WIPF3: variants seen among roughly 807,000 people sequenced by gnomAD.
The protein encoded by WIPF3 is WAS/WASL-interacting protein family member 3.
WIPF3 carries 33 observed loss-of-function variants against 38.9 expected under a neutral mutation model. That is an observed-to-expected ratio of 0.85 (90% CI 0.64 to 1.14). WIPF3 has a LOEUF of 1.14. WIPF3 is among the 50% of genes most tolerant of loss of function. WIPF3 has a pLI of 0.00. For missense variants in WIPF3, 711 were observed against 652.5 expected (o/e 1.09, Z -0.98); for synonymous variants, 324 against 269.3 (o/e 1.20, Z -1.99).
chr7:29,824,673 C>T (rs999307902), intron 1 of WIPF3, among the ~76,000 whole-genome samples: 2 of 151,944 alleles, frequency 1.3e-5, no homozygotes, highest in African/African-American at 2.4e-5. Context: ...AGTAAGTAGC[C>T]CAGAGAGGAG....
intron 1 of WIPF3, among the ~76,000 whole-genome samples, chr7:29,826,467 A>T (rs1784617591): frequency 6.6e-6 from 1 of 152,154 alleles, no homozygotes; most frequent in Non-Finnish European, 1.5e-5. Context: ...CTGTTCCCCA[A>T]AGCCTGGTTT....
chr7:29,913,345 C>CAAA lies in WIPF3; in HGVS notation c.1429-1132_1429-1130dup, dbSNP rs1161222562. Among the ~76,000 whole-genome samples the CAAA allele has an allele frequency of 1.1e-3, 83 of 74,576 alleles. 1 individual carries two copies. The highest frequency in any genetic ancestry group is 2.4e-3 in the African/African-American group (53 of 21,664). 48.9% of individuals were successfully genotyped at this position (74,576 alleles called of 152,430 possible). A position where few individuals can be genotyped will look rare whatever the true frequency, so the allele number is the denominator to read the frequency against. On this transcript the variant is annotated intron_variant, in intron 8 of 8. Transcript: ENST00000242140. ...GGGCAACAAGAGTGAAACTCCGTCT[C>CAAA]AAAAAAAAAAAAAAAAAAGGTTACT...
At chr7:29,837,721 C>T (rs986249674) in intron 2 of WIPF3, among the ~76,000 whole-genome samples, 12 of 152,016 alleles carry the variant, frequency 7.9e-5, no homozygotes, top group African/African-American at 1.9e-4. Flanking sequence ...AAATAATTAA[C>T]GTCTTTAGCA....
intron 2 of WIPF3, among the ~76,000 whole-genome samples, chr7:29,874,204 C>T (rs1482699977): frequency 6.6e-6 from 1 of 151,978 alleles, no homozygotes. Flanking sequence ...CTCTGATACC[C>T]TGGGTCTAGT....
In WIPF3 at chr7:29,884,283, G is replaced by A; in HGVS notation, c.789G>A (p.Pro263=). 2.9e-5 allele frequency: 8 copies of A among 280,166 alleles called. No homozygotes were observed. Among genetic ancestry groups the A allele is most frequent in the South Asian group, 7.4e-5 (2 of 26,914 alleles). 17.4% of individuals were successfully genotyped at this position (280,166 alleles called of 1,614,324 possible). ...APLHLPPIPP[P]LPLLPPCGYP... Reference sequence around the variant, plus strand: ...TGCACCTCCCGCCCATCCCGCCCCCGCTCCCTCTGCTCCCACCTTGTGGGT... The same window carrying A: ...TGCACCTCCCGCCCATCCCGCCCCCACTCCCTCTGCTCCCACCTTGTGGGT... The change falls in exon 5 of 9, where the codon CCG becomes CCA. Residue 263 remains proline, a synonymous_variant. Coordinates refer to ENST00000242140, the MANE Select transcript of WIPF3 (RefSeq NM_001080529.3).
intron 1 of WIPF3, among the ~76,000 whole-genome samples, chr7:29,815,543 G>A (rs1037526910): frequency 2.0e-5 from 3 of 152,140 alleles, no homozygotes; most frequent in Admixed American, 1.3e-4. Context: ...ATCTAAAAAA[G>A]ACGAGCCAAG....
Position 29,878,896 on chromosome 7 carries a change from T to G in WIPF3, c.224-113T>G. Reference sequence around the variant, plus strand: ...AAGGATGACATTGGAGGTGGGAGAATGGGAAGGCTGACAAGGGCAGTGGTA... The same window carrying G: ...AAGGATGACATTGGAGGTGGGAGAAGGGGAAGGCTGACAAGGGCAGTGGTA... On this transcript the variant is annotated intron_variant, in intron 3 of 8. Coordinates refer to ENST00000242140, the MANE Select transcript of WIPF3 (RefSeq NM_001080529.3). The surrounding 1 kb of genome is among the most constrained non-coding windows in gnomAD (Gnocchi z 4.0). 1 of 1,266,350 alleles carries G rather than the reference T, an allele frequency of 7.9e-7. No individual in the cohort carries two copies. Among genetic ancestry groups the G allele is most frequent in the Non-Finnish European group, 1.1e-6 (1 of 920,962 alleles). 78.4% of individuals were successfully genotyped at this position (1,266,350 alleles called of 1,614,324 possible). A position where few individuals can be genotyped will look rare whatever the true frequency, so the allele number is the denominator to read the frequency against.
Position 29,878,911 on chromosome 7 carries a change from G to C in WIPF3, c.224-98G>C. ...GGTGGGAGAATGGGAAGGCTGACAA[G>C]GGCAGTGGTAGACCAGTGTTAGACC... On this transcript the variant is annotated intron_variant, in intron 3 of 8. Transcript: ENST00000242140. This position sits in a 1 kb window ranked among gnomAD's most constrained non-coding sequence, Gnocchi z 4.0. 7.2e-7 allele frequency: 1 copy of C among 1,393,172 alleles called. No homozygotes were observed. The highest frequency in any genetic ancestry group is 9.8e-7 in the Non-Finnish European group (1 of 1,025,040). 86.3% of individuals were successfully genotyped at this position (1,393,172 alleles called of 1,614,324 possible).
At chr7:29,851,792 C>T (rs528478537) in intron 2 of WIPF3, among the ~76,000 whole-genome samples, 1 of 152,302 alleles carries the variant, frequency 6.6e-6, no homozygotes, top group Admixed American at 6.5e-5. Context: ...CATCAGTGCC[C>T]TCTGGGTAAC....
rs74374110 is a variant in WIPF3 at position 29,832,309 on chromosome 7, T to A, written c.-57-2359T>A. 7.1e-3 allele frequency among the ~76,000 whole-genome samples: 1,081 copies of A among 152,338 alleles called. 6 individuals carry two copies. Among genetic ancestry groups the A allele is most frequent in the Non-Finnish European group, 0.012 (824 of 68,034 alleles). ...ACAAATATCTGATAATTTGTGCTTG[T>A]TCCAACTAAATTGTGGGCCTGCATC... is the stretch of plus-strand genomic sequence containing the variant. On this transcript the variant is annotated intron_variant, in intron 1 of 8. Coordinates refer to ENST00000242140, the MANE Select transcript of WIPF3 (RefSeq NM_001080529.3).
chr7:29,895,971 C>T (rs1583625340), intron 7 of WIPF3, among the ~76,000 whole-genome samples: 1 of 152,190 alleles, frequency 6.6e-6, no homozygotes, highest in East Asian at 1.9e-4. Flanking sequence ...CGAAAGGCCA[C>T]ATGTTGTATA....
chr7:29,884,487 C>A lies in WIPF3; in HGVS notation c.993C>A (p.Pro331=). 1 of 1,572,360 alleles carries A rather than the reference C, an allele frequency of 6.4e-7. No individual in the cohort carries two copies. Among genetic ancestry groups the A allele is most frequent in the Non-Finnish European group, 8.6e-7 (1 of 1,160,008 alleles). ...CACCCCCGCTACCCCCTAAATCCCC[C>A]AGCTTCCAGGCCCCACCGCAGAAGG... The part of the protein sequence containing the change: ...ETPPPLPPKS[P]SFQAPPQKAG... The change falls in exon 5 of 9, where the codon CCC becomes CCA. Residue 331 remains proline (P), a synonymous_variant. Transcript: ENST00000242140.
In WIPF3 at chr7:29,884,031, A is replaced by T. The variant is rs749403094; in HGVS notation, c.537A>T (p.Pro179=). The change falls in exon 5 of 9, where the codon CCA becomes CCT. Residue 179 remains proline (P), a synonymous_variant. Coordinates refer to ENST00000242140, the MANE Select transcript of WIPF3 (RefSeq NM_001080529.3). ...PNVPAPPPPT[P]PPPPPPLPPP... is the part of the protein sequence containing the mutation. Reference sequence around the variant, plus strand: ...TGCCTGCCCCGCCCCCTCCCACCCCACCCCCTCCGCCTCCACCCTTACCCC... The same window carrying T: ...TGCCTGCCCCGCCCCCTCCCACCCCTCCCCCTCCGCCTCCACCCTTACCCC... 3 of 506,318 alleles carry T rather than the reference A, an allele frequency of 5.9e-6. No individual in the cohort carries two copies. The highest frequency in any genetic ancestry group is 2.3e-4 in the East Asian group (1 of 4,332). 31.4% of individuals were successfully genotyped at this position (506,318 alleles called of 1,614,324 possible). A position where few individuals can be genotyped will look rare whatever the true frequency, so the allele number is the denominator to read the frequency against.
At chr7:29,810,539 A>G (rs547727429) in intron 1 of WIPF3, among the ~76,000 whole-genome samples, 7 of 152,342 alleles carry the variant, frequency 4.6e-5, no homozygotes, top group Admixed American at 3.9e-4. Flanking sequence ...TCAAAAGACA[A>G]TTATTTGTTG....
chr7:29,874,261 C>T (rs535080276), intron 2 of WIPF3, among the ~76,000 whole-genome samples: 1 of 152,088 alleles, frequency 6.6e-6, no homozygotes, highest in Non-Finnish European at 1.5e-5. Flanking sequence ...TTCGTTCATA[C>T]AGTAGTTATT....
At position 29,821,602 on chromosome 7, in the gene WIPF3, T is replaced by C. The variant is rs182374806; in HGVS notation, c.-57-13066T>C. 1.1e-4 allele frequency among the ~76,000 whole-genome samples: 17 copies of C among 152,358 alleles called. No individual in the cohort carries two copies. In the East Asian group the frequency reaches 1.5e-3, roughly 14 times the overall value. On this transcript the variant is annotated intron_variant, in intron 1 of 8. Transcript: ENST00000242140. ...CTGTGACTTGCCTTGTACCTTTAAA[T>C]GTATAGAATTAAATCTTCCTTTTGA...
intron 2 of WIPF3, among the ~76,000 whole-genome samples, chr7:29,852,469 T>G (rs1330505690): frequency 1.3e-5 from 2 of 152,220 alleles, no homozygotes; most frequent in Non-Finnish European, 2.9e-5. Context: ...ATGTACAGCC[T>G]TGTTCTTCAG....
intron 1 of WIPF3, among the ~76,000 whole-genome samples, chr7:29,825,927 G>C (rs934577213): frequency 6.6e-5 from 10 of 152,152 alleles, no homozygotes; most frequent in Non-Finnish European, 1.3e-4. Flanking sequence ...TTCTGGAGCC[G>C]ATGTCTGGGC....
intron 1 of WIPF3, among the ~76,000 whole-genome samples, chr7:29,815,945 A>G (rs900326161): frequency 6.6e-6 from 1 of 151,650 alleles, no homozygotes; most frequent in Admixed American, 6.6e-5. Context: ...AGCAAATCCC[A>G]CCCTTAGTGC....
Sources: allele counts gnomAD v4.1 joint callset (sites outside exome capture counted in the v4.1 genomes callset), GRCh38; gene constraint gnomAD v4.1.1; non-coding constraint Gnocchi (gnomAD v3.1); transcripts MANE v1.5; gene names NCBI Gene and HGNC (gene_info 2026-07-23, HGNC 2026-07-21).